Variants in PYHIN1 observed in about 807,000 individuals in gnomAD.
The protein encoded by PYHIN1 is pyrin and HIN domain-containing protein 1.
Under a neutral mutation model 43.7 loss-of-function variants are expected in PYHIN1, and 32 were observed. The ratio of observed to expected loss-of-function variants is 0.73; its 90% CI spans 0.55 to 0.98. PYHIN1 has a LOEUF of 0.98. Ranked by LOEUF, PYHIN1 falls within the 50% of genes least tolerant of loss-of-function variation. The pLI is 0.00. For synonymous variants in PYHIN1, 205 were observed against 203.1 expected, an observed-to-expected ratio of 1.01 and a Z score of -0.08; for missense variants, 588 against 589.5, an observed-to-expected ratio of 1.00 and a Z score of 0.03.
intron 7 of PYHIN1, among the ~76,000 whole-genome samples, chr1:158,952,232 G>T (rs1012092817): frequency 1.3e-5 from 2 of 151,196 alleles, no homozygotes; most frequent in Non-Finnish European, 2.9e-5. Context: ...GCTTCCTGTC[G>T]CAGCAGCTGT....
chr1:158,981,006 T>G (rs2101749650), downstream of PYHIN1, among the ~76,000 whole-genome samples: 1 of 152,254 alleles, frequency 6.6e-6, no homozygotes, highest in Middle Eastern at 3.4e-3. Flanking sequence ...TGTACTGTCT[T>G]TATTTCTCAG....
chr1:158,935,244 GT>G (rs1648453391), intron 1 of PYHIN1, among the ~76,000 whole-genome samples: 1 of 148,514 alleles, frequency 6.7e-6, no homozygotes, highest in Admixed American at 6.8e-5. Context: ...GCATGAAAAT[GT>G]TTTATACTTC....
At chr1:158,986,542 G>A in the PYHIN1 span, among the ~76,000 whole-genome samples, 2 of 152,298 alleles carry the variant, frequency 1.3e-5, no homozygotes, top group East Asian at 1.9e-4. Context: ...TGGCAAAAAT[G>A]CTTTGGTGGG....
At chr1:158,939,019 A>G in intron 3 of PYHIN1, 61 bp from the exon 4 acceptor site, 1 of 1,286,038 alleles carries the variant, frequency 7.8e-7, no homozygotes, top group Non-Finnish European at 1.1e-6. Flanking sequence ...CTTGTAATGA[A>G]AATGTGCTCT....
downstream of PYHIN1, among the ~76,000 whole-genome samples, chr1:158,979,019 G>C (rs1651396082): frequency 1.3e-5 from 2 of 152,174 alleles, no homozygotes; most frequent in Admixed American, 1.3e-4. Context: ...TTCTCTGCAA[G>C]AGGCAGTGAA....
At chr1:158,947,964 C>T (rs1402824861) in intron 7 of PYHIN1, among the ~76,000 whole-genome samples, 2 of 152,158 alleles carry the variant, frequency 1.3e-5, no homozygotes, top group Non-Finnish European at 2.9e-5. Context: ...GAGACTTTTA[C>T]AAAACCTTCC....
intron 1 of PYHIN1, among the ~76,000 whole-genome samples, chr1:158,932,091 T>G (rs1196181543): frequency 6.6e-6 from 1 of 152,132 alleles, no homozygotes; most frequent in Admixed American, 6.6e-5. Context: ...GCCATTGGGG[T>G]CTGGGCAAAA....
intron 7 of PYHIN1, among the ~76,000 whole-genome samples, chr1:158,959,153 C>T (rs900469079): frequency 6.6e-6 from 1 of 151,180 alleles, no homozygotes; most frequent in African/African-American, 2.4e-5. Context: ...GCACCAGCTG[C>T]AGGGGTCCAT....
In PYHIN1 at chr1:158,937,182, G is replaced by A. The variant is rs773140357; in HGVS notation, c.265+7G>A. The A allele has an allele frequency of 6.4e-7, 1 of 1,564,056 alleles. No homozygotes were observed. The highest frequency in any genetic ancestry group is 1.9e-5 in the Admixed American group (1 of 52,962). Reference sequence around the variant, plus strand: ...AAAAGAGAAAAGTTAAAAGGTAATTGGGAAGAGGGAACACCCACTCCCTGC... The same window carrying A: ...AAAAGAGAAAAGTTAAAAGGTAATTAGGAAGAGGGAACACCCACTCCCTGC... On this transcript the variant is annotated splice_region_variant and intron_variant, in intron 2 of 8. Coordinates refer to ENST00000368140, the MANE Select transcript of PYHIN1 (RefSeq NM_152501.5).
At chr1:158,937,436 T>G (rs1182548236) in intron 2 of PYHIN1, among the ~76,000 whole-genome samples, 3 of 152,218 alleles carry the variant, frequency 2.0e-5, no homozygotes, top group Non-Finnish European at 4.4e-5. Context: ...AGACTTCTAG[T>G]ACATTCGAAA....
intron 7 of PYHIN1, among the ~76,000 whole-genome samples, chr1:158,960,348 G>C (rs1650252030): frequency 6.6e-6 from 1 of 152,184 alleles, no homozygotes; most frequent in Non-Finnish European, 1.5e-5. Flanking sequence ...TACACTGATT[G>C]AATGGGATTA....
In PYHIN1 at chr1:158,947,716, C is replaced by T. The variant is rs115899038; in HGVS notation, c.1359+2674C>T. Among the ~76,000 whole-genome samples, 711 of 152,344 alleles carry T rather than the reference C, an allele frequency of 4.7e-3. 2 individuals carry two copies. The highest frequency in any genetic ancestry group is 8.0e-3 in the Non-Finnish European group (543 of 68,028). ...CCACAGCCTCCACTAGCCAGCCCTG[C>T]GGGCATTTATTTAGCACAGATTTAA... is the stretch of plus-strand genomic sequence containing the variant. On this transcript the variant is annotated intron_variant, in intron 7 of 8. Coordinates refer to ENST00000368140, the MANE Select transcript of PYHIN1 (RefSeq NM_152501.5).
intron 7 of PYHIN1, among the ~76,000 whole-genome samples, chr1:158,971,342 T>C (rs1033974705): frequency 5.3e-5 from 8 of 151,942 alleles, no homozygotes; most frequent in African/African-American, 1.9e-4. Flanking sequence ...ATATTGGAAG[T>C]AGAACGTCCT....
intron 2 of PYHIN1, 111 bp downstream of exon 2, chr1:158,937,286 T>A: frequency 8.3e-7 from 1 of 1,198,578 alleles, no homozygotes; most frequent in Non-Finnish European, 1.2e-6. Flanking sequence ...AATTTGTGAC[T>A]CACTGGCCAT....
At chr1:158,981,366 G>A (rs1488298486), downstream of PYHIN1, among the ~76,000 whole-genome samples, 1 of 152,116 alleles carries the variant, frequency 6.6e-6, no homozygotes, top group Non-Finnish European at 1.5e-5. Flanking sequence ...AGCTACTTGG[G>A]AGCCTGGGGC....
chr1:158,953,022 C>T (rs544402299), intron 7 of PYHIN1, among the ~76,000 whole-genome samples: 1 of 152,310 alleles, frequency 6.6e-6, no homozygotes, highest in South Asian at 2.1e-4. Flanking sequence ...GTCACTCCCA[C>T]CCGAATATTG....
chr1:158,932,588 A>G (rs575145341), intron 1 of PYHIN1, among the ~76,000 whole-genome samples: 1 of 152,372 alleles, frequency 6.6e-6, no homozygotes, highest in South Asian at 2.1e-4. Context: ...GTTCTCACAC[A>G]AAAACATATG....
chr1:158,948,381 G>T (rs1293964478), intron 7 of PYHIN1, among the ~76,000 whole-genome samples: 3 of 152,112 alleles, frequency 2.0e-5, no homozygotes, highest in Non-Finnish European at 4.4e-5. Flanking sequence ...GTCATGAAAG[G>T]TTTCCCAGAG....
intron 7 of PYHIN1, among the ~76,000 whole-genome samples, chr1:158,964,954 A>G (rs913186102): frequency 6.6e-6 from 1 of 152,192 alleles, no homozygotes; most frequent in Non-Finnish European, 1.5e-5. Context: ...GGCTGGATAA[A>G]GAAGCAAGAC....
Sources: gnomAD v4.1 joint callset for allele counts (sites outside exome capture counted in the v4.1 genomes callset) on GRCh38, gnomAD v4.1.1 for gene constraint, MANE v1.5 for transcripts, NCBI Gene and HGNC (gene_info 2026-07-23, HGNC 2026-07-21) for gene names.